NDC1: variants seen among roughly 807,000 people sequenced by gnomAD.
NDC1 encodes the protein nucleoporin NDC1.
In NDC1, 24 loss-of-function variants were observed where a neutral mutation model predicts 89.8. The observed-to-expected ratio is 0.27, with a 90% CI of 0.19 to 0.38. The LOEUF (loss-of-function observed/expected upper bound fraction) is 0.38. Ranked by LOEUF, NDC1 falls within the 10% of genes least tolerant of loss-of-function variation. NDC1 has a pLI of 1.00. For missense variants in NDC1, 728 were observed against 797.6 expected, an observed-to-expected ratio of 0.91 and a Z score of 1.05; for synonymous variants, 296 against 284.8, an observed-to-expected ratio of 1.04 and a Z score of -0.39.
intron 16 of NDC1, among the ~76,000 whole-genome samples, chr1:53,780,859 CTTTCT>C (rs1647200291): frequency 7.2e-6 from 1 of 139,612 alleles, no homozygotes; most frequent in East Asian, 2.0e-4. Context: ...TTTAATTTTT[CTTTCT>C]TTTTTTTTTT....
chr1:53,796,655 T>G (rs776227936), intron 13 of NDC1, 34 bp downstream of exon 13: 1 of 1,372,194 alleles, frequency 7.3e-7, no homozygotes, highest in African/African-American at 1.5e-5. Context: ...CAATTTTACA[T>G]GCAAATATAA....
chr1:53,780,510 T>C (rs563435325), intron 16 of NDC1, among the ~76,000 whole-genome samples: 4 of 152,220 alleles, frequency 2.6e-5, no homozygotes, highest in South Asian at 4.1e-4. Context: ...TCGTATCACA[T>C]GCTAATTGCT....
At chr1:53,832,276 A>G (rs1649092011) in intron 3 of NDC1, among the ~76,000 whole-genome samples, 2 of 152,218 alleles carry the variant, frequency 1.3e-5, no homozygotes, top group Non-Finnish European at 2.9e-5. Context: ...GTATAAGTAG[A>G]ATCATATAAT....
At position 53,796,773 on chromosome 1, in the gene NDC1, A is replaced by G; in HGVS notation, c.1500T>C (p.Ser500=). Residue 500 remains serine, a synonymous_variant, in exon 13 of 18, where the codon TCT becomes TCC. Coordinates refer to ENST00000371429, the MANE Select transcript of NDC1 (RefSeq NM_018087.5). Reference sequence around the variant, plus strand: ...CCTCAGCACTAATAGAGGTAGATGGAGAAGGATTAGAAAATTCAGTCATTT... The same window carrying G: ...CCTCAGCACTAATAGAGGTAGATGGGGAAGGATTAGAAAATTCAGTCATTT... The part of the protein sequence containing the change: ...DQQMTEFSNP[S]PSTSISAEGK... The G allele has an allele frequency of 1.9e-6, 3 of 1,609,768 alleles. No individual in the cohort carries two copies. Among genetic ancestry groups the G allele is most frequent in the Non-Finnish European group, 2.5e-6 (3 of 1,178,958 alleles).
At chr1:53,797,194 C>T (rs990724568) in intron 11 of NDC1, 50 bp from the exon 12 acceptor site, 5 of 1,579,636 alleles carry the variant, frequency 3.2e-6, no homozygotes, top group Non-Finnish European at 4.3e-6. Flanking sequence ...TCCAAGCAGG[C>T]TAGCAGCAAC....
chr1:53,833,685 T>C lies in NDC1; in HGVS notation c.179-1094A>G, dbSNP rs1371980768. 5.3e-5 allele frequency among the ~76,000 whole-genome samples: 8 copies of C among 151,940 alleles called. No individual in the cohort carries two copies. In the East Asian group the frequency reaches 1.5e-3, roughly 29 times the overall value. ...ATACTAATACATTCACATTTTAGAG[T>C]AGTTCAACAATCGATATTCCATCTC... On this transcript the variant is annotated intron_variant, in intron 2 of 17. Coordinates refer to ENST00000371429, the MANE Select transcript of NDC1 (RefSeq NM_018087.5).
At chr1:53,827,962 A>T (rs768021181) in intron 4 of NDC1, 37 bp downstream of exon 4, 16 of 1,513,102 alleles carry the variant, frequency 1.1e-5, no homozygotes, top group Non-Finnish European at 1.4e-5. Flanking sequence ...CTTAGTAAGT[A>T]AATGAGATTC....
intron 2 of NDC1, among the ~76,000 whole-genome samples, chr1:53,835,016 G>C (rs934410158): frequency 6.9e-6 from 1 of 144,902 alleles, no homozygotes; most frequent in Admixed American, 6.8e-5. Context: ...ATGGGAAGCA[G>C]AGGTTGCAGT....
At position 53,797,612 on chromosome 1, in the gene NDC1, CCTTTCCTTTTCTTTTT is replaced by C. The variant is rs1259785768; in HGVS notation, c.1223-484_1223-469del. Among the ~76,000 whole-genome samples the C allele has an allele frequency of 5.3e-5, 8 of 151,964 alleles. No homozygotes were observed. In the East Asian group the frequency reaches 9.6e-4, roughly 18 times the overall value. On this transcript the variant is annotated intron_variant, in intron 11 of 17. Transcript: ENST00000371429. ...CTTACCCCATTTTCCCCAGTTTTTT[CCTTTCCTTTTCTTTTT>C]CTTTCCTTTTCTTTTCTTTGAGTCA...
At chr1:53,816,644 A>AC (rs1301666522) in intron 6 of NDC1, among the ~76,000 whole-genome samples, 2 of 148,614 alleles carry the variant, frequency 1.3e-5, no homozygotes, top group Non-Finnish European at 2.9e-5. Flanking sequence ...GAAACAAAAA[A>AC]CAAAAAAAAA....
At chr1:53,784,973 C>T (rs965212945) in intron 16 of NDC1, among the ~76,000 whole-genome samples, 1 of 150,104 alleles carries the variant, frequency 6.7e-6, no homozygotes, top group Non-Finnish European at 1.5e-5. Context: ...AAAAAAAAAG[C>T]GGGGGAGGGA....
intron 16 of NDC1, among the ~76,000 whole-genome samples, chr1:53,784,789 T>TA (rs1647265080): frequency 7.0e-6 from 1 of 143,168 alleles, no homozygotes. Flanking sequence ...AGACTCTGTC[T>TA]CAAAAAAAAA....
At chr1:53,793,382 G>C in intron 13 of NDC1, 103 bp from the exon 14 acceptor site, 1 of 896,500 alleles carries the variant, frequency 1.1e-6, no homozygotes, top group South Asian at 1.4e-5. Flanking sequence ...ATGAAAAAAT[G>C]AAACACTTCA....
intron 14 of NDC1, 64 bp downstream of exon 14, chr1:53,793,165 C>A: frequency 7.4e-7 from 1 of 1,343,154 alleles, no homozygotes; most frequent in East Asian, 2.3e-5. Context: ...ATCCTATCTG[C>A]TACTTTATTT....
At chr1:53,825,769 G>T in intron 5 of NDC1, 29 bp downstream of exon 5, 1 of 1,546,398 alleles carries the variant, frequency 6.5e-7, no homozygotes, top group South Asian at 1.3e-5. Flanking sequence ...GCCAAATTTT[G>T]ACATCAAGTA....
rs866210891 is a variant in NDC1 at position 53,824,473 on chromosome 1, C to T, written c.594+1325G>A. Among the ~76,000 whole-genome samples, 6 of 152,192 alleles carry T rather than the reference C, an allele frequency of 3.9e-5. No individual in the cohort carries two copies. The South Asian group carries it at 8.3e-4, about 21-fold the overall frequency. ...AATAATATACCATTTGTTTACATATCCCTCCCTCCCCACCAGACTGAGTCC... is the reference window on the plus strand; with the variant it reads ...AATAATATACCATTTGTTTACATATTCCTCCCTCCCCACCAGACTGAGTCC... On this transcript the variant is annotated intron_variant, in intron 5 of 17. Coordinates refer to ENST00000371429, the MANE Select transcript of NDC1 (RefSeq NM_018087.5).
chr1:53,815,491 A>C (rs2100674853), intron 6 of NDC1, among the ~76,000 whole-genome samples: 1 of 152,362 alleles, frequency 6.6e-6, no homozygotes, highest in African/African-American at 2.4e-5. Context: ...GCCACAGCCA[A>C]CATAACACTG....
At chr1:53,811,668 GT>G (rs58614878) in intron 6 of NDC1, among the ~76,000 whole-genome samples, 9,079 of 150,980 alleles carry the variant, frequency 0.06, 824 homozygotes, top group African/African-American at 0.2. Context: ...CCACCTGATG[GT>G]CCTTCCCTAC....
At chr1:53,791,777 C>T (rs1647513372) in intron 14 of NDC1, among the ~76,000 whole-genome samples, 1 of 152,162 alleles carries the variant, frequency 6.6e-6, no homozygotes. Flanking sequence ...TGTCTCTGTG[C>T]CCTTAGGCTA....
Sources: gnomAD v4.1 joint callset for allele counts (sites outside exome capture counted in the v4.1 genomes callset) on GRCh38, gnomAD v4.1.1 for gene constraint, MANE v1.5 for transcripts, NCBI Gene and HGNC (gene_info 2026-07-23, HGNC 2026-07-21) for gene names.